ZNF697: variants seen among roughly 807,000 people sequenced by gnomAD.
ZNF697 encodes the protein zinc finger protein 697.
A neutral mutation model predicts 32.4 loss-of-function variants in ZNF697; 23 were observed. The ratio of observed to expected loss-of-function variants is 0.71; its 90% CI spans 0.51 to 1.01. The LOEUF is 1.01. ZNF697 is among the 50% of genes least tolerant of loss of function. The pLI is 0.00. For missense variants in ZNF697, 930 were observed against 794.0 expected (o/e 1.17, Z -2.06); for synonymous variants, 418 against 337.2 (o/e 1.24, Z -2.62).
At chr1:119,633,394 A>G (rs200594241) in intron 1 of ZNF697, among the ~76,000 whole-genome samples, 3,656 of 115,924 alleles carry the variant, frequency 0.032, 61 homozygotes, top group Non-Finnish European at 0.049. Flanking sequence ...GTGTGTGTGT[A>G]TAGAGAGAGA....
intron 1 of ZNF697, among the ~76,000 whole-genome samples, chr1:119,639,715 CAAA>C (rs779242670): frequency 1.8e-5 from 2 of 110,556 alleles, no homozygotes; most frequent in Non-Finnish European, 1.9e-5. Context: ...CCTGTCTCTC[CAAA>C]AAAAAAAAAA....
rs1344986442 is a variant in ZNF697, at chr1:119,623,292, G to T, written c.1051C>A (p.Arg351=). The change falls in exon 3 of 3, where the codon CGG becomes AGG. Residue 351 remains arginine (R), a synonymous_variant. Transcript: ENST00000421812. ...CCGCACTCCCCGCAGGCGAAGGGCC[G>T]CAGCGCCGCCGCCCCCGCGCCGCTG... The part of the protein sequence containing the change: ...AASGAGAAAL[R]PFACGECGKG... 1.4e-6 allele frequency: 2 copies of T among 1,405,966 alleles called. No homozygotes were observed. The highest frequency in any genetic ancestry group is 1.8e-6 in the Non-Finnish European group (2 of 1,084,412). The allele number at this position is 1,405,966 out of a possible 1,614,324, so 87.1% of individuals were successfully genotyped here.
chr1:119,633,450 A>T (rs1466416358), intron 1 of ZNF697, among the ~76,000 whole-genome samples: 1 of 151,742 alleles, frequency 6.6e-6, no homozygotes, highest in African/African-American at 2.4e-5. Context: ...TCATGCCATT[A>T]TGGGGTCTGG....
rs1649266442 is a variant in ZNF697, at chr1:119,648,127, C to A, written c.-474G>T. Among the ~76,000 whole-genome samples, 1 of 152,076 alleles carries A rather than the reference C, an allele frequency of 6.6e-6. No individual in the cohort carries two copies. Among genetic ancestry groups the A allele is most frequent in the Non-Finnish European group, 1.5e-5 (1 of 67,992 alleles). On this transcript the variant is annotated 5_prime_UTR_variant, in exon 1 of 3. Transcript: ENST00000421812. ...GGCACCGAGCGCCCCGGCCCGAGCC[C>A]CGCACCGCAGCGCGTCTGCCCTTGT...
At position 119,647,751 on chromosome 1, in the gene ZNF697, C is replaced by T. The variant is rs1649254242; in HGVS notation, c.-98G>A. 6.6e-6 allele frequency: 1 copy of T among 152,394 alleles called. No homozygotes were observed. The highest frequency in any genetic ancestry group is 2.1e-4 in the South Asian group (1 of 4,820). 9.4% of individuals were successfully genotyped at this position (152,394 alleles called of 1,614,324 possible). ...GTTTCTCCGAGGGTCTCTGATGCCCCCTTCGGTGGTCGGCGGGACGGTCCT... is the reference window on the plus strand; with the variant it reads ...GTTTCTCCGAGGGTCTCTGATGCCCTCTTCGGTGGTCGGCGGGACGGTCCT... On this transcript the variant is annotated 5_prime_UTR_variant, in exon 1 of 3. Coordinates refer to ENST00000421812, the MANE Select transcript of ZNF697 (RefSeq NM_001080470.2).
intron 1 of ZNF697, among the ~76,000 whole-genome samples, chr1:119,638,951 C>A (rs1648996434): frequency 6.6e-6 from 1 of 152,112 alleles, no homozygotes; most frequent in Non-Finnish European, 1.5e-5. Context: ...GCTATTTCAC[C>A]TCTTCGAGTC....
rs188461347 is a variant in ZNF697 at position 119,620,299 on chromosome 1, C to T, written c.*2406G>A. The T allele has an allele frequency of 3.9e-5, 6 of 152,662 alleles. No individual in the cohort carries two copies. The highest frequency in any genetic ancestry group is 3.9e-4 in the Admixed American group (6 of 15,296). The allele number at this position is 152,662 out of a possible 1,614,324, so 9.5% of individuals were successfully genotyped here. On this transcript the variant is annotated 3_prime_UTR_variant, in exon 3 of 3. Coordinates refer to ENST00000421812, the MANE Select transcript of ZNF697 (RefSeq NM_001080470.2). The stretch of plus-strand genomic sequence containing the variant: ...GCTTCACTCTCCACTCCCTGTTGAA[C>T]CCATTCTCTAAAGTTGCTGATATGT...
At chr1:119,644,075 T>C (rs1011489186) in intron 1 of ZNF697, among the ~76,000 whole-genome samples, 4 of 152,220 alleles carry the variant, frequency 2.6e-5, no homozygotes, top group African/African-American at 4.8e-5. Flanking sequence ...AAAGTCCCTG[T>C]CACGTGTGGG....
chr1:119,643,848 C>T (rs587675380), intron 1 of ZNF697, among the ~76,000 whole-genome samples: 1 of 152,300 alleles, frequency 6.6e-6, no homozygotes, highest in Admixed American at 6.5e-5. Flanking sequence ...TGGCATATTT[C>T]CAGAAGGTAC....
chr1:119,626,242 C>T (rs1291142740), intron 1 of ZNF697, 105 bp from the exon 2 acceptor site: 55 of 1,414,920 alleles, frequency 3.9e-5, no homozygotes, highest in Non-Finnish European at 4.9e-5. Flanking sequence ...AGTTCCAAGC[C>T]CCAGATGGCA....
chr1:119,648,202 T>TTGGCTGGC lies in ZNF697; in HGVS notation c.-557_-550dup, dbSNP rs587734493. ...GCTGGGTGGCCCGCTGGCTGGCTGG[T>TTGGCTGGC]TGGCTGGCTGGCTGGCTGGCTGGCT... On this transcript the variant is annotated 5_prime_UTR_variant, in exon 1 of 3. Transcript: ENST00000421812. Among the ~76,000 whole-genome samples, 14,758 of 150,362 alleles carry TTGGCTGGC rather than the reference T, an allele frequency of 0.098. 1,783 individuals are homozygous for TTGGCTGGC. The highest frequency in any genetic ancestry group is 0.28 in the African/African-American group (11,382 of 41,038).
At chr1:119,642,540 T>TTA (rs892953392) in intron 1 of ZNF697, among the ~76,000 whole-genome samples, 8 of 152,166 alleles carry the variant, frequency 5.3e-5, no homozygotes, top group South Asian at 2.1e-4. Context: ...TTTTGAAATT[T>TTA]TATATATATA....
In ZNF697 at chr1:119,638,230, T is replaced by C. The variant is rs137983398; in HGVS notation, c.-38+9461A>G. On this transcript the variant is annotated intron_variant, in intron 1 of 2. Transcript: ENST00000421812. ...GGCTATTGGGAAAAGGAGGAATAAG[T>C]GCTAGTGAGCCCTAGTTAAAAACTT... 5.7e-3 allele frequency among the ~76,000 whole-genome samples: 861 copies of C among 152,362 alleles called. 10 individuals carry two copies. Among genetic ancestry groups the C allele is most frequent in the Non-Finnish European group, 9.7e-3 (662 of 68,032 alleles).
intron 1 of ZNF697, among the ~76,000 whole-genome samples, chr1:119,635,833 G>A (rs148419819): frequency 6.6e-6 from 1 of 152,306 alleles, no homozygotes; most frequent in African/African-American, 2.4e-5. Context: ...TTTAGATAGT[G>A]TTGTCAGACA....
intron 1 of ZNF697, among the ~76,000 whole-genome samples, chr1:119,626,856 T>A (rs1176198764): frequency 6.6e-6 from 1 of 152,136 alleles, no homozygotes; most frequent in African/African-American, 2.4e-5. Flanking sequence ...CCCTCTATAT[T>A]AGAAGCCATC....
At chr1:119,638,450 T>C (rs1648981658) in intron 1 of ZNF697, among the ~76,000 whole-genome samples, 1 of 152,220 alleles carries the variant, frequency 6.6e-6, no homozygotes, top group African/African-American at 2.4e-5. Context: ...TGTAAAGTGC[T>C]TGGCATTTAA....
At chr1:119,626,990 A>G (rs1222629517) in intron 1 of ZNF697, among the ~76,000 whole-genome samples, 4 of 152,238 alleles carry the variant, frequency 2.6e-5, no homozygotes. Flanking sequence ...ATAGGGAGAA[A>G]ATGACATCAG....
chr1:119,627,512 GTAAC>G (rs1363862451), intron 1 of ZNF697, among the ~76,000 whole-genome samples: 1 of 152,232 alleles, frequency 6.6e-6, no homozygotes, highest in African/African-American at 2.4e-5. Flanking sequence ...ACTGCAGAGA[GTAAC>G]TGATGCTTTG....
chr1:119,624,236 C>T, intron 2 of ZNF697, 120 bp from the exon 3 acceptor site: 4 of 1,212,686 alleles, frequency 3.3e-6, no homozygotes, highest in Non-Finnish European at 4.4e-6. Flanking sequence ...GATCCCTGCC[C>T]CTCCAAGACC....
Sources: gnomAD v4.1 joint callset for allele counts (sites outside exome capture counted in the v4.1 genomes callset) on GRCh38, gnomAD v4.1.1 for gene constraint, MANE v1.5 for transcripts, NCBI Gene and HGNC (gene_info 2026-07-23, HGNC 2026-07-21) for gene names.